SH2D4A: variants seen among roughly 807,000 people sequenced by gnomAD.
SH2D4A encodes SH2 domain-containing protein 4A.
In SH2D4A, 70 loss-of-function variants were observed where a neutral mutation model predicts 64.7. That is an observed-to-expected ratio of 1.08 (90% CI 0.89 to 1.32). SH2D4A has a LOEUF of 1.32. SH2D4A is among the 40% of genes most tolerant of loss of function. The probability of loss-of-function intolerance (pLI) is 0.00; values close to 1 mark genes in which losing one functional copy is unlikely to be tolerated. For missense variants in SH2D4A, 706 were observed against 540.1 expected, an observed-to-expected ratio of 1.31 and a Z score of -3.04; for synonymous variants, 268 against 200.7, an observed-to-expected ratio of 1.34 and a Z score of -2.83.
At chr8:19,322,507 A>T (rs1480920308) in intron 2 of SH2D4A, among the ~76,000 whole-genome samples, 2 of 151,784 alleles carry the variant, frequency 1.3e-5, no homozygotes, top group Admixed American at 1.3e-4. Flanking sequence ...CTTCATTGTC[A>T]TCTGGTCATT....
In SH2D4A at chr8:19,361,231, A is replaced by G. The variant is rs1369794506; in HGVS notation, c.623A>G (p.Asp208Gly). The change falls in exon 6 of 10, where the codon GAT becomes GGT. Residue 208 changes from aspartate to glycine, a missense_variant. Asp to Gly is a moderately conservative substitution (Grantham distance 94). Transcript: ENST00000265807. ...QKKESMKKKQDEEINQIEEER... is the reference protein window; with the variant it reads ...QKKESMKKKQGEEINQIEEER... Reference sequence around the variant, plus strand: ...AAAGAATCTATGAAGAAAAAACAAGATGAAGAAATAAATCAAATAGAAGAA... The same window carrying G: ...AAAGAATCTATGAAGAAAAAACAAGGTGAAGAAATAAATCAAATAGAAGAA... 6 of 1,564,846 alleles carry G rather than the reference A, an allele frequency of 3.8e-6. No individual in the cohort carries two copies. The African/African-American group carries it at 6.8e-5, about 18-fold the overall frequency.
At chr8:19,354,938 G>C (rs2052766017) in intron 4 of SH2D4A, among the ~76,000 whole-genome samples, 2 of 152,202 alleles carry the variant, frequency 1.3e-5, no homozygotes, top group African/African-American at 4.8e-5. Flanking sequence ...CCTTGGTCCA[G>C]AACTCCAGTT....
At chr8:19,318,132 C>T (rs188546567) in intron 1 of SH2D4A, among the ~76,000 whole-genome samples, 18 of 152,248 alleles carry the variant, frequency 1.2e-4, no homozygotes, top group Non-Finnish European at 2.5e-4. Context: ...TCTCGAACTC[C>T]TGACCTCGTG....
chr8:19,316,118 G>A (rs1195213605), intron 1 of SH2D4A, among the ~76,000 whole-genome samples: 1 of 152,116 alleles, frequency 6.6e-6, no homozygotes, highest in Non-Finnish European at 1.5e-5. Flanking sequence ...TAGAGGGTGA[G>A]GGGGACAGGT....
At chr8:19,319,809 A>C in intron 2 of SH2D4A, 81 bp downstream of exon 2, 1 of 1,406,978 alleles carries the variant, frequency 7.1e-7, no homozygotes, top group Non-Finnish European at 9.4e-7. Context: ...ACTAGTCACA[A>C]GCAAAGCAGG....
chr8:19,380,252 C>G (rs1256431950), intron 8 of SH2D4A, among the ~76,000 whole-genome samples: 5 of 152,144 alleles, frequency 3.3e-5, no homozygotes, highest in Admixed American at 3.3e-4. Flanking sequence ...GTTTTCTATA[C>G]AGTATATTCT....
At chr8:19,356,042 C>CT (rs769513900) in intron 4 of SH2D4A, among the ~76,000 whole-genome samples, 4 of 152,188 alleles carry the variant, frequency 2.6e-5, no homozygotes, top group Non-Finnish European at 5.9e-5. Context: ...CTTTTGTAGT[C>CT]TAAGTATCTG....
intron 7 of SH2D4A, 94 bp from the exon 8 acceptor site, chr8:19,373,434 ATG>A (rs1338215012): frequency 1.2e-4 from 83 of 691,548 alleles, no homozygotes; most frequent in East Asian, 2.7e-4. Context: ...ATGTATATGT[ATG>A]TGTGTGTGTA....
At chr8:19,377,258 T>C (rs1473927548) in intron 8 of SH2D4A, among the ~76,000 whole-genome samples, 1 of 152,192 alleles carries the variant, frequency 6.6e-6, no homozygotes, top group East Asian at 1.9e-4. Context: ...GGCAGGCACC[T>C]GTAGTTCCAG....
intron 4 of SH2D4A, among the ~76,000 whole-genome samples, chr8:19,353,147 A>G (rs2117260811): frequency 6.6e-6 from 1 of 152,278 alleles, no homozygotes; most frequent in South Asian, 2.1e-4. Context: ...TTATACAGGT[A>G]GGAGGGTCAT....
intron 5 of SH2D4A, among the ~76,000 whole-genome samples, chr8:19,359,525 G>C (rs2052845540): frequency 6.6e-6 from 1 of 152,110 alleles, no homozygotes; most frequent in Non-Finnish European, 1.5e-5. Flanking sequence ...AGCTTTTTCT[G>C]TTTAAGCTTA....
chr8:19,372,085 CT>C (rs2053110902), intron 7 of SH2D4A, among the ~76,000 whole-genome samples: 2 of 152,144 alleles, frequency 1.3e-5, no homozygotes, highest in Non-Finnish European at 2.9e-5. Context: ...CTTCTTGATG[CT>C]TGTGTATGTG....
At chr8:19,349,987 A>G (rs907384080) in intron 4 of SH2D4A, among the ~76,000 whole-genome samples, 8 of 152,216 alleles carry the variant, frequency 5.3e-5, no homozygotes, top group Non-Finnish European at 8.8e-5. Context: ...TATAGGCGTG[A>G]GCCACTGTGC....
chr8:19,380,742 G>C (rs1251485195), intron 8 of SH2D4A, among the ~76,000 whole-genome samples: 2 of 152,098 alleles, frequency 1.3e-5, no homozygotes, highest in African/African-American at 2.4e-5. Context: ...AAGTCTGTCT[G>C]TATGCCAGTA....
At chr8:19,378,226 TGTCTTTTAA>T (rs1366372044) in intron 8 of SH2D4A, among the ~76,000 whole-genome samples, 1 of 152,228 alleles carries the variant, frequency 6.6e-6, no homozygotes, top group Non-Finnish European at 1.5e-5. Flanking sequence ...GTTTGTGACT[TGTCTTTTAA>T]GTCTTTTGAC....
intron 8 of SH2D4A, among the ~76,000 whole-genome samples, chr8:19,385,680 T>C (rs1472599487): frequency 6.6e-5 from 10 of 152,158 alleles, no homozygotes; most frequent in Non-Finnish European, 1.3e-4. Flanking sequence ...CAGTTTGTCA[T>C]ACACAGCTCC....
At position 19,395,352 on chromosome 8, in the gene SH2D4A, TTTTTTA is replaced by T. The variant is rs1274416593; in HGVS notation, c.*716_*721del. The T allele has an allele frequency of 1.3e-5, 2 of 152,058 alleles. No individual in the cohort carries two copies. Among genetic ancestry groups the T allele is most frequent in the Non-Finnish European group, 2.9e-5 (2 of 67,956 alleles). The allele number at this position is 152,058 out of a possible 1,614,324, so 9.4% of individuals were successfully genotyped here. A position where few individuals can be genotyped will look rare whatever the true frequency, so the allele number is the denominator to read the frequency against. On this transcript the variant is annotated 3_prime_UTR_variant, in exon 10 of 10. Coordinates refer to ENST00000265807, the MANE Select transcript of SH2D4A (RefSeq NM_022071.4). ...AAGGATAAAGCATCTGTACATGTAT[TTTTTTA>T]TTTTTTATCAGAAGTGCTTAGACAA... is the stretch of plus-strand genomic sequence containing the variant.
intron 2 of SH2D4A, among the ~76,000 whole-genome samples, chr8:19,332,495 G>A (rs927535712): frequency 1.3e-5 from 2 of 151,876 alleles, no homozygotes; most frequent in African/African-American, 4.8e-5. Flanking sequence ...TTAGCTGGTC[G>A]TGGTGGCAGA....
At chr8:19,375,781 T>C (rs926714377) in intron 8 of SH2D4A, among the ~76,000 whole-genome samples, 20 of 152,218 alleles carry the variant, frequency 1.3e-4, no homozygotes, top group African/African-American at 4.8e-4. Context: ...TTTTAGGTGA[T>C]GGATGTGTTA....
Sources: gnomAD v4.1 joint callset for allele counts (sites outside exome capture counted in the v4.1 genomes callset) on GRCh38, gnomAD v4.1.1 for gene constraint, MANE v1.5 for transcripts, NCBI Gene and HGNC (gene_info 2026-07-23, HGNC 2026-07-21) for gene names.